PCDHA5: variants seen among roughly 807,000 people sequenced by gnomAD.
PCDHA5 encodes protocadherin alpha 5.
PCDHA5 carries 43 observed loss-of-function variants against 61.6 expected under a neutral mutation model. The ratio of observed to expected loss-of-function variants is 0.70; its 90% CI spans 0.55 to 0.90. The LOEUF (loss-of-function observed/expected upper bound fraction) is 0.90. PCDHA5 is among the 40% of genes least tolerant of loss of function. The pLI is 0.00. For synonymous variants in PCDHA5, 627 were observed against 543.9 expected (o/e 1.15, Z -2.13); for missense variants, 1,298 against 1,222.7 (o/e 1.06, Z -0.92).
intron 1 of PCDHA5, among the ~76,000 whole-genome samples, chr5:140,846,541 AT>A (rs1226302144): frequency 6.8e-6 from 1 of 147,482 alleles, no homozygotes; most frequent in Non-Finnish European, 1.5e-5. Context: ...TGCCCTGCTA[AT>A]TTTTTGTATT....
At chr5:140,967,681 G>A (rs367838143) in intron 1 of PCDHA5, 12 of 1,614,086 alleles carry the variant, frequency 7.4e-6, no homozygotes, top group Non-Finnish European at 9.3e-6. Flanking sequence ...ACCGGGAGAG[G>A]CAGCTCTTCA....
intron 1 of PCDHA5, chr5:140,849,768 G>C (rs2150449044): frequency 6.3e-7 from 1 of 1,598,502 alleles, no homozygotes; most frequent in East Asian, 2.2e-5. Context: ...CGAGCTGGTG[G>C]TTACCGCGCG....
chr5:140,927,051 G>T, intron 1 of PCDHA5: 1 of 1,612,116 alleles, frequency 6.2e-7, no homozygotes, highest in South Asian at 1.1e-5. Flanking sequence ...TGTCCTCGCG[G>T]AACTTTCGCT....
At chr5:140,927,946 G>T (rs1341193072) in intron 1 of PCDHA5, 1 of 1,614,096 alleles carries the variant, frequency 6.2e-7, no homozygotes, top group African/African-American at 1.3e-5. Context: ...AGTACCTGAG[G>T]ACGCTGCCCC....
At chr5:140,861,665 C>T (rs2047014898) in intron 1 of PCDHA5, 1 of 258,604 alleles carries the variant, frequency 3.9e-6, no homozygotes, top group Admixed American at 4.5e-5. Context: ...AACGAGAGCT[C>T]TTGATTATCG....
intron 1 of PCDHA5, chr5:140,849,880 T>G (rs2150456156): frequency 3.1e-6 from 5 of 1,598,328 alleles, no homozygotes; most frequent in Non-Finnish European, 4.3e-6. Context: ...GAGTACACGG[T>G]GTTCGTGAAG....
intron 1 of PCDHA5, among the ~76,000 whole-genome samples, chr5:140,913,644 A>T (rs889499847): frequency 3.9e-5 from 6 of 151,920 alleles, no homozygotes; most frequent in Non-Finnish European, 8.8e-5. Flanking sequence ...CTGCTTTTCT[A>T]GTTCTTTAAG....
At chr5:140,918,816 A>C (rs1178287306) in intron 1 of PCDHA5, among the ~76,000 whole-genome samples, 1 of 62,452 alleles carries the variant, frequency 1.6e-5, no homozygotes, top group Admixed American at 1.3e-4. Context: ...ATGAACCAAA[A>C]AGTGGCCCCC....
chr5:140,955,078 G>T lies in PCDHA5; in HGVS notation c.2353-23871G>T, dbSNP rs192023775. On this transcript the variant is annotated intron_variant, in intron 1 of 3. Transcript: ENST00000529859. ...TTGTCAGGTTTGTTGAAGATCAGAT[G>T]GTTGTAGGTGTGTGGTGTTATTTCT... Among the ~76,000 whole-genome samples, 36 of 152,228 alleles carry T rather than the reference G, an allele frequency of 2.4e-4. No homozygotes were observed. In the East Asian group the frequency reaches 6.6e-3, roughly 28 times the overall value.
chr5:140,876,514 C>A, intron 1 of PCDHA5: 1 of 1,614,026 alleles, frequency 6.2e-7, no homozygotes, highest in East Asian at 2.2e-5. Flanking sequence ...TGACAATGTC[C>A]CTGAAGTAAT....
At chr5:140,870,073 A>G in intron 1 of PCDHA5, 1 of 1,613,872 alleles carries the variant, frequency 6.2e-7, no homozygotes. Flanking sequence ...GGCTACAGAT[A>G]AGGGGACTCC....
In PCDHA5 at chr5:140,836,004, G is replaced by T. The variant is rs1554135533; in HGVS notation, c.2352+11877G>T. On this transcript the variant is annotated intron_variant, in intron 1 of 3. Transcript: ENST00000529859. ...GTTCCAGGTGAGCGCGCGCGATGCG[G>T]GCGTGCCGCCTCTGGGCAGCAACGT... is the stretch of plus-strand genomic sequence containing the variant. 1.9e-6 allele frequency: 3 copies of T among 1,613,274 alleles called. No homozygotes were observed. The African/African-American group carries it at 4.0e-5, about 22-fold the overall frequency.
At chr5:140,837,677 T>C (rs2150278472) in intron 1 of PCDHA5, among the ~76,000 whole-genome samples, 1 of 151,824 alleles carries the variant, frequency 6.6e-6, no homozygotes, top group South Asian at 2.1e-4. Flanking sequence ...CTTTTTCTTT[T>C]TTCTTTCTTC....
intron 1 of PCDHA5, among the ~76,000 whole-genome samples, chr5:140,921,646 G>T (rs957810883): frequency 6.6e-6 from 1 of 152,124 alleles, no homozygotes; most frequent in Admixed American, 6.5e-5. Context: ...GCTATTTTAA[G>T]GGAACTTAAT....
At chr5:140,942,147 T>C (rs2093240437) in intron 1 of PCDHA5, among the ~76,000 whole-genome samples, 1 of 152,236 alleles carries the variant, frequency 6.6e-6, no homozygotes, top group Non-Finnish European at 1.5e-5. Flanking sequence ...TTACTTGACA[T>C]AAAACAGCTT....
chr5:140,992,116 T>A (rs1279382326), intron 3 of PCDHA5, among the ~76,000 whole-genome samples: 1 of 151,688 alleles, frequency 6.6e-6, no homozygotes, highest in Non-Finnish European at 1.5e-5. Context: ...AGATGTGTCA[T>A]GGAAGAACAG....
chr5:140,944,992 C>T (rs561484046), intron 1 of PCDHA5, among the ~76,000 whole-genome samples: 11 of 152,114 alleles, frequency 7.2e-5, no homozygotes, highest in South Asian at 2.1e-4. Flanking sequence ...ACTTCTGTAA[C>T]GGTTGTGGGT....
At chr5:140,830,195 A>G (rs2150182609) in intron 1 of PCDHA5, 2 of 1,613,696 alleles carry the variant, frequency 1.2e-6, no homozygotes, top group Non-Finnish European at 1.7e-6. Flanking sequence ...GTACCTGATC[A>G]TCGCCATCTG....
At chr5:140,966,469 C>G (rs1308389710) in intron 1 of PCDHA5, 1 of 432,506 alleles carries the variant, frequency 2.3e-6, no homozygotes, top group African/African-American at 2.0e-5. Context: ...GTCTTCCCTT[C>G]TGTTTCCTTT....
Sources: gnomAD v4.1 joint callset for allele counts (sites outside exome capture counted in the v4.1 genomes callset) on GRCh38, gnomAD v4.1.1 for gene constraint, MANE v1.5 for transcripts, NCBI Gene and HGNC (gene_info 2026-07-23, HGNC 2026-07-21) for gene names.